Variants in FTO observed in about 807,000 individuals in gnomAD.
FTO encodes the protein FTO alpha-ketoglutarate dependent dioxygenase, also known as alpha-ketoglutarate-dependent dioxygenase FTO.
FTO carries 47 observed loss-of-function variants against 63.9 expected under a neutral mutation model. The observed-to-expected ratio is 0.74, with a 90% CI of 0.58 to 0.94. The LOEUF (loss-of-function observed/expected upper bound fraction) is 0.94, where lower values mean the gene tolerates loss of function less well. FTO is among the 40% of genes least tolerant of loss of function. The probability of loss-of-function intolerance (pLI) is 0.00; values close to 1 mark genes in which losing one functional copy is unlikely to be tolerated. For missense variants in FTO, 562 were observed against 618.1 expected (o/e 0.91, Z 0.96); for synonymous variants, 207 against 224.4 (o/e 0.92, Z 0.69).
At chr16:54,070,015 A>G (rs1161343278) in intron 8 of FTO, 5 of 151,644 alleles carry the variant, frequency 3.3e-5, no homozygotes, top group African/African-American at 1.2e-4. Context: ...ATTTTTGACA[A>G]CCCATCTCAT....
chr16:53,856,368 T>G (rs28671591), intron 4 of FTO, among the ~76,000 whole-genome samples: 5,754 of 150,206 alleles, frequency 0.038, 156 homozygotes, highest in Middle Eastern at 0.11. Flanking sequence ...TTTTTTTTTT[T>G]GGGGGGGGAT....
intron 2 of FTO, among the ~76,000 whole-genome samples, chr16:53,825,296 C>T (rs1181463680): frequency 6.6e-6 from 1 of 152,156 alleles, no homozygotes; most frequent in Non-Finnish European, 1.5e-5. Flanking sequence ...AACTCGTGCC[C>T]TGGAAGCCAG....
intron 8 of FTO, among the ~76,000 whole-genome samples, chr16:53,954,055 A>G (rs2082863843): frequency 6.6e-6 from 1 of 152,234 alleles, no homozygotes; most frequent in Admixed American, 6.5e-5. Flanking sequence ...CAGAAAGTGT[A>G]GTGCCCAGTA....
rs10629683 is a variant in FTO, at chr16:53,843,829, T to TTTTA, written c.752-326_752-325insTTTA. ...ATTTTTAAAAAGTAATTTTTTTTTTTAATAGAGATGGGGGTCTTGATTTCT... is the reference window on the plus strand; with the variant it reads ...ATTTTTAAAAAGTAATTTTTTTTTTTTTTAAATAGAGATGGGGGTCTTGATTTCT... On this transcript the variant is annotated intron_variant, in intron 3 of 8. Coordinates refer to ENST00000471389, the MANE Select transcript of FTO (RefSeq NM_001080432.3). 4.7e-3 allele frequency among the ~76,000 whole-genome samples: 718 copies of TTTTA among 151,524 alleles called. 4 individuals are homozygous for TTTTA. The highest frequency in any genetic ancestry group is 6.0e-3 in the Non-Finnish European group (405 of 67,808).
chr16:54,014,427 C>A (rs2084390203), intron 8 of FTO, among the ~76,000 whole-genome samples: 1 of 152,030 alleles, frequency 6.6e-6, no homozygotes, highest in South Asian at 2.1e-4. Context: ...TTCTCTCTCT[C>A]CGTGTGATGC....
chr16:53,850,639 G>T (rs1031257098), intron 4 of FTO, among the ~76,000 whole-genome samples: 3 of 151,960 alleles, frequency 2.0e-5, no homozygotes, highest in Non-Finnish European at 4.4e-5. Flanking sequence ...TGCATGTCTT[G>T]AGTGCCTACT....
chr16:53,815,636 G>GTTTTTTTTTTTTTTTTTTTT lies in FTO; in HGVS notation c.123+5430_123+5449dup, dbSNP rs556357629. 6.1e-5 allele frequency among the ~76,000 whole-genome samples: 6 copies of GTTTTTTTTTTTTTTTTTTTT among 98,156 alleles called. 1 individual carries two copies. The highest frequency in any genetic ancestry group is 3.2e-4 in the African/African-American group (6 of 18,542). 64.4% of individuals were successfully genotyped at this position (98,156 alleles called of 152,430 possible). A position where few individuals can be genotyped will look rare whatever the true frequency, so the allele number is the denominator to read the frequency against. On this transcript the variant is annotated intron_variant, in intron 2 of 8. Coordinates refer to ENST00000471389, the MANE Select transcript of FTO (RefSeq NM_001080432.3). Reference sequence around the variant, plus strand: ...ACCCTATAAGGCCATTGACTTTCTTGTTTTTTTTTTTTTTTTTTTTTTTTT... The same window carrying GTTTTTTTTTTTTTTTTTTTT: ...ACCCTATAAGGCCATTGACTTTCTTGTTTTTTTTTTTTTTTTTTTTTTTTTTTTTTTTTTTTTTTTTTTTT...
intron 1 of FTO, among the ~76,000 whole-genome samples, chr16:53,727,259 T>C (rs886247476): frequency 3.3e-5 from 5 of 152,250 alleles, no homozygotes; most frequent in African/African-American, 1.2e-4. Flanking sequence ...TGGCATATTC[T>C]ATCAGCTTTC....
intron 8 of FTO, chr16:54,052,627 G>A (rs1255807759): frequency 6.6e-6 from 1 of 152,194 alleles, no homozygotes; most frequent in Non-Finnish European, 1.5e-5. Context: ...AGTCCATGTG[G>A]AGCATTATGG....
chr16:54,113,294 CG>C lies in FTO; in HGVS notation c.*1380del, dbSNP rs5816925. On this transcript the variant is annotated 3_prime_UTR_variant, in exon 9 of 9. Coordinates refer to ENST00000471389, the MANE Select transcript of FTO (RefSeq NM_001080432.3). ...GAAATCGTGAGAATAGTTAGCCCCC[CG>C]TCTCCCCAGCCTGTTGCTTTCTCGT... is the stretch of plus-strand genomic sequence containing the variant. 0.62 allele frequency: 94,444 copies of C among 151,986 alleles called. 29,669 individuals carry two copies. The highest frequency in any genetic ancestry group is 0.66 in the Non-Finnish European group (45,273 of 68,120). 9.4% of individuals were successfully genotyped at this position (151,986 alleles called of 1,614,324 possible).
chr16:53,747,864 A>G (rs1039281481), intron 1 of FTO, among the ~76,000 whole-genome samples: 6 of 152,074 alleles, frequency 3.9e-5, no homozygotes, highest in Non-Finnish European at 5.9e-5. Context: ...TAAGGGTTCA[A>G]TTTTATTCTT....
chr16:54,065,693 T>G (rs1055846320), intron 8 of FTO, among the ~76,000 whole-genome samples: 11 of 152,196 alleles, frequency 7.2e-5, no homozygotes, highest in Admixed American at 6.5e-5. Flanking sequence ...CTTCACCAGA[T>G]CAAACTATTC....
At chr16:53,923,929 CAG>C (rs913277415) in intron 7 of FTO, among the ~76,000 whole-genome samples, 1 of 151,834 alleles carries the variant, frequency 6.6e-6, no homozygotes, top group African/African-American at 2.4e-5. Flanking sequence ...TTTTGTCAAA[CAG>C]AGGAGGCAGA....
intron 1 of FTO, among the ~76,000 whole-genome samples, chr16:53,788,635 T>C (rs1204175088): frequency 2.0e-5 from 3 of 151,942 alleles, no homozygotes; most frequent in Non-Finnish European, 1.5e-5. Flanking sequence ...TTGACCTTTT[T>C]CATGCCCAAC....
intron 4 of FTO, among the ~76,000 whole-genome samples, chr16:53,853,161 C>G (rs966457423): frequency 6.6e-6 from 1 of 152,108 alleles, no homozygotes; most frequent in African/African-American, 2.4e-5. Flanking sequence ...GGTGTCGTGG[C>G]AGGCACCCGT....
At chr16:54,053,840 A>G (rs1457907652) in intron 8 of FTO, among the ~76,000 whole-genome samples, 7 of 152,174 alleles carry the variant, frequency 4.6e-5, no homozygotes, top group African/African-American at 1.7e-4. Context: ...AATTTTACAA[A>G]TGCCAAATAA....
At chr16:53,932,276 C>T (rs1183733451) in intron 7 of FTO, among the ~76,000 whole-genome samples, 1 of 152,118 alleles carries the variant, frequency 6.6e-6, no homozygotes, top group Non-Finnish European at 1.5e-5. Flanking sequence ...GGGTCCTTTT[C>T]CTGGCTAGTG....
intron 8 of FTO, among the ~76,000 whole-genome samples, chr16:54,060,561 A>G (rs1336070551): frequency 6.6e-6 from 1 of 152,228 alleles, no homozygotes; most frequent in Non-Finnish European, 1.5e-5. Context: ...GAATCCAATC[A>G]GTGTAGCTCA....
At chr16:53,986,239 T>C (rs2083664415) in intron 8 of FTO, among the ~76,000 whole-genome samples, 1 of 152,162 alleles carries the variant, frequency 6.6e-6, no homozygotes, top group Non-Finnish European at 1.5e-5. Flanking sequence ...TTCACTGTAG[T>C]TAAAATTATG....
Sources: gnomAD v4.1 joint callset for allele counts (sites outside exome capture counted in the v4.1 genomes callset) on GRCh38, gnomAD v4.1.1 for gene constraint, MANE v1.5 for transcripts, NCBI Gene and HGNC (gene_info 2026-07-23, HGNC 2026-07-21) for gene names.